HS3ST5: variants seen among roughly 807,000 people sequenced by gnomAD.
HS3ST5 encodes the protein heparan sulfate-glucosamine 3-sulfotransferase 5.
Under a neutral mutation model 25.4 loss-of-function variants are expected in HS3ST5, and 10 were observed. The observed-to-expected ratio is 0.39, with a 90% CI of 0.24 to 0.67. The LOEUF is 0.67. Among genes scored for constraint, HS3ST5 ranks in the 30% least tolerant of loss-of-function variants. The pLI is 0.44. For synonymous variants in HS3ST5, 170 were observed against 162.4 expected, an observed-to-expected ratio of 1.05 and a Z score of -0.36; for missense variants, 324 against 420.7, an observed-to-expected ratio of 0.77 and a Z score of 2.01.
chr6:114,089,927 G>A (rs562599819), intron 3 of HS3ST5, among the ~76,000 whole-genome samples: 45 of 152,210 alleles, frequency 3.0e-4, no homozygotes, highest in Middle Eastern at 3.4e-3. Context: ...AACAATAATC[G>A]GAATAATTGT....
intron 2 of HS3ST5, among the ~76,000 whole-genome samples, chr6:114,215,088 G>A (rs977973074): frequency 1.3e-5 from 2 of 152,040 alleles, no homozygotes; most frequent in African/African-American, 4.8e-5. Context: ...GGCAGATCAC[G>A]AGGTCAGGAG....
At chr6:114,262,275 C>T (rs545092702) in intron 1 of HS3ST5, among the ~76,000 whole-genome samples, 40 of 152,274 alleles carry the variant, frequency 2.6e-4, no homozygotes, top group East Asian at 1.2e-3. Flanking sequence ...CGGCTGGGCG[C>T]GGTGGCTCAC....
At chr6:114,341,235 G>GAGAC (rs1776846610) in intron 1 of HS3ST5, among the ~76,000 whole-genome samples, 1 of 144,976 alleles carries the variant, frequency 6.9e-6, no homozygotes, top group Non-Finnish European at 1.5e-5. Flanking sequence ...GAGAGAGAGA[G>GAGAC]AGAGAGAGAG....
intron 3 of HS3ST5, among the ~76,000 whole-genome samples, chr6:114,137,235 A>G (rs991548659): frequency 6.6e-6 from 1 of 152,070 alleles, no homozygotes; most frequent in Non-Finnish European, 1.5e-5. Flanking sequence ...CCCCCCGCAA[A>G]CCATATCCCA....
intron 1 of HS3ST5, among the ~76,000 whole-genome samples, chr6:114,312,301 G>A (rs1775565239): frequency 6.6e-6 from 1 of 152,058 alleles, no homozygotes; most frequent in African/African-American, 2.4e-5. Flanking sequence ...AAATGTGCTG[G>A]AACAACTGGA....
intron 1 of HS3ST5, among the ~76,000 whole-genome samples, chr6:114,261,434 A>G (rs9488358): frequency 0.038 from 5,847 of 152,188 alleles, 174 homozygotes; most frequent in African/African-American, 0.083. Context: ...CATGAGAGGG[A>G]AGCTGGCTGA....
Position 114,057,384 on chromosome 6 carries a change from A to G in HS3ST5, c.914T>C (p.Leu305Pro). The G allele has an allele frequency of 6.2e-7, 1 of 1,614,176 alleles. No individual in the cohort carries two copies. The highest frequency in any genetic ancestry group is 8.5e-7 in the Non-Finnish European group (1 of 1,180,024). ...LRFNIIFNKCLAGSKGRIHPE... is the reference protein window; with the variant it reads ...LRFNIIFNKCPAGSKGRIHPE... ...ATGAATGCGCCCCTTGCTGCCCGCC[A>G]GGCACTTATTAAAGATAATATTAAA... The change falls in exon 5 of 5, where the codon CTG becomes CCG. Residue 305 changes from leucine (L) to proline (P), a missense_variant. Physicochemically the swap from Leu to Pro is moderately conservative, Grantham distance 98 (BLOSUM62 -3). Transcript: ENST00000312719.
intron 3 of HS3ST5, among the ~76,000 whole-genome samples, chr6:114,159,128 A>C (rs1230645625): frequency 6.6e-6 from 1 of 152,230 alleles, no homozygotes; most frequent in East Asian, 1.9e-4. Context: ...CCTGAAGTCC[A>C]AAGAACATAA....
chr6:114,164,696 C>T (rs939772446), intron 3 of HS3ST5, among the ~76,000 whole-genome samples: 6 of 152,128 alleles, frequency 3.9e-5, no homozygotes, highest in African/African-American at 7.2e-5. Flanking sequence ...CTGAAATAAA[C>T]GTATATAAGT....
intron 1 of HS3ST5, among the ~76,000 whole-genome samples, chr6:114,245,645 G>A (rs746674634): frequency 1.3e-5 from 2 of 152,190 alleles, no homozygotes; most frequent in Non-Finnish European, 2.9e-5. Flanking sequence ...GTGGAGAGCA[G>A]TAGACTGCTG....
At chr6:114,297,319 C>CGTACA (rs1363764052) in intron 1 of HS3ST5, among the ~76,000 whole-genome samples, 7 of 152,128 alleles carry the variant, frequency 4.6e-5, no homozygotes, top group African/African-American at 1.7e-4. Context: ...GAGACAGGGA[C>CGTACA]GTACACAAGC....
At chr6:114,232,594 A>G (rs1771650837) in intron 1 of HS3ST5, among the ~76,000 whole-genome samples, 1 of 152,168 alleles carries the variant, frequency 6.6e-6, no homozygotes, top group South Asian at 2.1e-4. Context: ...CCTTCCTCTT[A>G]AATCAGCCTT....
At chr6:114,063,335 T>C (rs1004037425) in intron 3 of HS3ST5, among the ~76,000 whole-genome samples, 1 of 152,028 alleles carries the variant, frequency 6.6e-6, no homozygotes, top group African/African-American at 2.4e-5. Flanking sequence ...GCCAAGATGG[T>C]GAAACCTCGT....
chr6:114,151,472 A>G (rs899935363), intron 3 of HS3ST5, among the ~76,000 whole-genome samples: 5 of 152,246 alleles, frequency 3.3e-5, no homozygotes, highest in African/African-American at 1.2e-4. Context: ...TGCTAAGTAC[A>G]ATAGGACACT....
intron 2 of HS3ST5, among the ~76,000 whole-genome samples, chr6:114,186,083 C>T (rs764969576): frequency 3.9e-5 from 6 of 152,000 alleles, no homozygotes; most frequent in African/African-American, 7.2e-5. Flanking sequence ...CCCCCTATCT[C>T]GCTTCCTCTC....
chr6:114,155,053 G>A (rs1328685997), intron 3 of HS3ST5, among the ~76,000 whole-genome samples: 2 of 152,310 alleles, frequency 1.3e-5, no homozygotes, highest in East Asian at 3.9e-4. Context: ...CATTGACCCA[G>A]CACGGAGAGG....
intron 1 of HS3ST5, among the ~76,000 whole-genome samples, chr6:114,299,742 GT>G (rs1774992388): frequency 6.6e-6 from 1 of 152,176 alleles, no homozygotes. Flanking sequence ...GAGTTTTCTA[GT>G]GATGATATTC....
chr6:114,222,986 A>G (rs906305276), intron 2 of HS3ST5, among the ~76,000 whole-genome samples: 6 of 151,772 alleles, frequency 4.0e-5, no homozygotes, highest in African/African-American at 1.4e-4. Context: ...CGTGGTTGAG[A>G]TCTAGTAGAA....
chr6:114,114,387 AATAGG>A (rs1187170929), intron 3 of HS3ST5, among the ~76,000 whole-genome samples: 2 of 152,144 alleles, frequency 1.3e-5, no homozygotes, highest in Non-Finnish European at 2.9e-5. Context: ...TGATTTACAG[AATAGG>A]ATGTTACTAA....
Sources: gnomAD v4.1 joint callset for allele counts (sites outside exome capture counted in the v4.1 genomes callset) on GRCh38, gnomAD v4.1.1 for gene constraint, MANE v1.5 for transcripts, NCBI Gene and HGNC (gene_info 2026-07-23, HGNC 2026-07-21) for gene names.